The following NRXN1 variants were observed in gnomAD, a reference collection of about 807,000 sequenced individuals.
The protein encoded by NRXN1 is neurexin-1.
NRXN1 carries 39 observed loss-of-function variants against 150.9 expected under a neutral mutation model. The ratio of observed to expected loss-of-function variants is 0.26; its 90% CI spans 0.20 to 0.34. NRXN1 has a LOEUF of 0.34. Among genes scored for constraint, NRXN1 ranks in the 10% least tolerant of loss-of-function variants. NRXN1 has a pLI of 1.00. For missense variants in NRXN1, 1,815 were observed against 1,949.9 expected (o/e 0.93, Z 1.30); for synonymous variants, 924 against 757.0 (o/e 1.22, Z -3.62).
intron 17 of NRXN1, among the ~76,000 whole-genome samples, chr2:50,265,994 TATTA>T (rs1397122160): frequency 0.012 from 858 of 71,324 alleles, 13 homozygotes; most frequent in Middle Eastern, 0.016. Flanking sequence ...TTATTATTAT[TATTA>T]TTTATTTTTT....
At chr2:49,980,861 TATAAG>T (rs1389978662) in intron 21 of NRXN1, among the ~76,000 whole-genome samples, 1 of 152,078 alleles carries the variant, frequency 6.6e-6, no homozygotes, top group Non-Finnish European at 1.5e-5. Context: ...AAGTTTCCTT[TATAAG>T]ATGAGAACCT....
At chr2:50,239,468 A>G (rs1343588925) in intron 17 of NRXN1, among the ~76,000 whole-genome samples, 1 of 134,606 alleles carries the variant, frequency 7.4e-6, no homozygotes, top group Non-Finnish European at 1.6e-5. Context: ...AACATTGCAT[A>G]TTAATTTTTA....
chr2:50,518,815 A>G (rs2105103539), intron 12 of NRXN1, among the ~76,000 whole-genome samples: 1 of 152,020 alleles, frequency 6.6e-6, no homozygotes. Context: ...GCTGAATATT[A>G]TTAAGTACAT....
At chr2:50,445,591 C>T (rs1176777640) in intron 17 of NRXN1, among the ~76,000 whole-genome samples, 1 of 152,130 alleles carries the variant, frequency 6.6e-6, no homozygotes, top group Non-Finnish European at 1.5e-5. Flanking sequence ...ACAAGGACTT[C>T]TTGTTTGCTT....
chr2:50,973,442 A>AGG (rs1695333693), intron 2 of NRXN1, among the ~76,000 whole-genome samples: 1 of 152,154 alleles, frequency 6.6e-6, no homozygotes, highest in Non-Finnish European at 1.5e-5. Context: ...TCTCAGATTA[A>AGG]TCCTCTATTT....
At chr2:50,955,610 A>G (rs970276255) in intron 2 of NRXN1, among the ~76,000 whole-genome samples, 4 of 152,238 alleles carry the variant, frequency 2.6e-5, no homozygotes, top group African/African-American at 7.2e-5. Context: ...CCATTTTTAT[A>G]TATGAGTAGA....
At chr2:50,626,745 C>G (rs1160057164) in intron 5 of NRXN1, among the ~76,000 whole-genome samples, 1 of 151,868 alleles carries the variant, frequency 6.6e-6, no homozygotes, top group East Asian at 1.9e-4. Context: ...TATTGATACA[C>G]TCATCTACAT....
intron 5 of NRXN1, among the ~76,000 whole-genome samples, chr2:50,690,300 C>T (rs1034973293): frequency 3.3e-5 from 5 of 152,110 alleles, no homozygotes; most frequent in Non-Finnish European, 7.3e-5. Flanking sequence ...TGATGAAAAG[C>T]ATAGTGTTAT....
chr2:50,965,800 C>T (rs546380202), intron 2 of NRXN1, among the ~76,000 whole-genome samples: 24 of 151,404 alleles, frequency 1.6e-4, no homozygotes, highest in African/African-American at 5.3e-4. Flanking sequence ...TTAAAGGAAA[C>T]GCTTAAAATT....
At chr2:51,030,157 T>G (rs1465628168) in intron 1 of NRXN1, among the ~76,000 whole-genome samples, 1 of 152,144 alleles carries the variant, frequency 6.6e-6, no homozygotes. Flanking sequence ...TCTTACCTTT[T>G]GAAAAAAATT....
chr2:50,679,989 G>T (rs1690135669), intron 5 of NRXN1, among the ~76,000 whole-genome samples: 1 of 151,804 alleles, frequency 6.6e-6, no homozygotes, highest in Non-Finnish European at 1.5e-5. Context: ...AAAATTAGCT[G>T]GGCATAGTGG....
rs560262666 is a variant in NRXN1 at position 50,183,043 on chromosome 2, G to C, written c.3546+53746C>G. Among the ~76,000 whole-genome samples the C allele has an allele frequency of 3.3e-5, 5 of 152,164 alleles. 1 individual carries two copies. The highest frequency in any genetic ancestry group is 1.2e-4 in the African/African-American group (5 of 41,560). ...ATATTGAGTCTAAACCTCCAATTAA[G>C]TATAGGCATTAAGGATGCACATCAT... On this transcript the variant is annotated intron_variant, in intron 18 of 22. Coordinates refer to ENST00000401669, the MANE Select transcript of NRXN1 (RefSeq NM_001330078.2).
intron 18 of NRXN1, among the ~76,000 whole-genome samples, chr2:50,120,109 C>T (rs1233614884): frequency 6.6e-6 from 1 of 151,818 alleles, no homozygotes; most frequent in Non-Finnish European, 1.5e-5. Context: ...AATTAAAAGG[C>T]AATTTAATAT....
At chr2:51,005,430 T>G (rs1403784812) in intron 2 of NRXN1, among the ~76,000 whole-genome samples, 1 of 151,986 alleles carries the variant, frequency 6.6e-6, no homozygotes, top group East Asian at 1.9e-4. Context: ...CTGGGAACAT[T>G]CAGTATTACA....
At chr2:50,331,035 C>A (rs1470387980) in intron 17 of NRXN1, among the ~76,000 whole-genome samples, 3 of 151,840 alleles carry the variant, frequency 2.0e-5, no homozygotes, top group African/African-American at 7.3e-5. Context: ...AAATTATAAC[C>A]CAATAATAAT....
At chr2:50,080,197 A>T (rs1027924362) in intron 19 of NRXN1, among the ~76,000 whole-genome samples, 2 of 152,102 alleles carry the variant, frequency 1.3e-5, no homozygotes, top group Non-Finnish European at 2.9e-5. Flanking sequence ...TACAATAAGA[A>T]ATTTTGGGAC....
At chr2:50,072,927 G>C (rs776353615) in intron 19 of NRXN1, among the ~76,000 whole-genome samples, 3 of 152,130 alleles carry the variant, frequency 2.0e-5, no homozygotes, top group Non-Finnish European at 4.4e-5. Flanking sequence ...ATTAGACATA[G>C]CTTCATCATT....
At chr2:50,405,619 T>C (rs1218995325) in intron 17 of NRXN1, among the ~76,000 whole-genome samples, 2 of 152,174 alleles carry the variant, frequency 1.3e-5, no homozygotes, top group Non-Finnish European at 1.5e-5. Flanking sequence ...ATTTCCTTTA[T>C]GCATCCTTTC....
At chr2:50,881,279 G>A (rs62140637) in intron 5 of NRXN1, among the ~76,000 whole-genome samples, 11,591 of 151,754 alleles carry the variant, frequency 0.076, 555 homozygotes, top group South Asian at 0.11. Context: ...TTCCCCTTCT[G>A]TCCTTAGAAA....
Sources: allele counts gnomAD v4.1 joint callset (sites outside exome capture counted in the v4.1 genomes callset), GRCh38; gene constraint gnomAD v4.1.1; transcripts MANE v1.5; gene names NCBI Gene and HGNC (gene_info 2026-07-23, HGNC 2026-07-21).